The following KLHL13 variants were observed in gnomAD, a reference collection of about 807,000 sequenced individuals.
KLHL13 encodes kelch like family member 13, also known as kelch-like protein 13.
A neutral mutation model predicts 37.1 loss-of-function variants in KLHL13; 10 were observed. That is an observed-to-expected ratio of 0.27 (90% confidence interval 0.17 to 0.46). The LOEUF (loss-of-function observed/expected upper bound fraction) is 0.46. Ranked by LOEUF, KLHL13 falls within the 20% of genes least tolerant of loss-of-function variation. The pLI is 1.00. For synonymous variants in KLHL13, 163 were observed against 181.2 expected (o/e 0.90, Z 0.81); for missense variants, 360 against 509.3 (o/e 0.71, Z 2.82).
At chrX:117,986,805 G>A (rs907534302) in intron 1 of KLHL13, among the ~76,000 whole-genome samples, 12 of 111,449 alleles carry the variant, frequency 1.1e-4, no homozygotes, top group Non-Finnish European at 1.9e-4. Context: ...TTCATTACAG[G>A]GACCAGAAAC....
At chrX:117,953,690 T>G (rs1440963827) in intron 1 of KLHL13, among the ~76,000 whole-genome samples, 1 of 111,757 alleles carries the variant, frequency 8.9e-6, no homozygotes, top group Non-Finnish European at 1.9e-5. Context: ...TGTTCCCATT[T>G]ATACCAAGCC....
intron 2 of KLHL13, among the ~76,000 whole-genome samples, chrX:117,942,333 G>T (rs371729574): frequency 9.0e-6 from 1 of 111,707 alleles, no homozygotes; most frequent in East Asian, 2.8e-4. Flanking sequence ...TTCTGTAGAT[G>T]TCTATTAGGT....
chrX:117,938,443 T>C (rs1932882835), intron 2 of KLHL13, among the ~76,000 whole-genome samples: 1 of 111,607 alleles, frequency 9.0e-6, no homozygotes, highest in Admixed American at 9.5e-5. Context: ...TAGAAACTTG[T>C]TAGAAATGCA....
intron 1 of KLHL13, among the ~76,000 whole-genome samples, chrX:117,953,819 T>C (rs1332672134): frequency 1.8e-5 from 2 of 112,001 alleles, no homozygotes; most frequent in Non-Finnish European, 3.8e-5. Context: ...AGTAATTTTC[T>C]GGTTTAATTA....
intron 1 of KLHL13, among the ~76,000 whole-genome samples, chrX:117,961,975 C>T (rs147047329): frequency 0.059 from 6,384 of 108,721 alleles, 512 homozygotes; most frequent in African/African-American, 0.2. Context: ...GAGGCTGAGA[C>T]GGGAGGATAG....
chrX:117,971,622 T>A, intron 1 of KLHL13, among the ~76,000 whole-genome samples: 1 of 111,482 alleles, frequency 9.0e-6, no homozygotes, highest in East Asian at 2.8e-4. Flanking sequence ...TGAAATGGCC[T>A]CATTTTTCAA....
At chrX:118,032,574 A>G (rs936152089) in intron 1 of KLHL13, among the ~76,000 whole-genome samples, 1 of 112,114 alleles carries the variant, frequency 8.9e-6, no homozygotes, top group Non-Finnish European at 1.9e-5. Flanking sequence ...GGACATCCAC[A>G]CCACAGGCCC....
At chrX:117,956,403 G>A (rs1254694192) in intron 1 of KLHL13, among the ~76,000 whole-genome samples, 1 of 111,444 alleles carries the variant, frequency 9.0e-6, no homozygotes, top group African/African-American at 3.3e-5. Context: ...CTAAAAGAAG[G>A]CTATGTGTTC....
At chrX:118,038,823 G>A (rs927361326) in intron 1 of KLHL13, among the ~76,000 whole-genome samples, 1 of 111,651 alleles carries the variant, frequency 9.0e-6, no homozygotes, top group Non-Finnish European at 1.9e-5. Context: ...ACAAGCTGGT[G>A]CACCCAAGGG....
intron 4 of KLHL13, among the ~76,000 whole-genome samples, chrX:117,916,513 C>G (rs192626380): frequency 9.4e-4 from 106 of 112,236 alleles, no homozygotes; most frequent in Non-Finnish European, 1.8e-3. Flanking sequence ...GGCTCTTGTT[C>G]CATTAACACT....
intron 1 of KLHL13, among the ~76,000 whole-genome samples, chrX:117,999,533 G>A (rs2053896210): frequency 9.1e-6 from 1 of 109,711 alleles, no homozygotes; most frequent in South Asian, 4.0e-4. Context: ...TCACACACCA[G>A]GGCCTGCTGG....
chrX:117,958,453 C>A (rs1362863885), intron 1 of KLHL13, among the ~76,000 whole-genome samples: 1 of 110,346 alleles, frequency 9.1e-6, no homozygotes, highest in Non-Finnish European at 1.9e-5. Flanking sequence ...AGTTGGAAAT[C>A]ATGCATAAGG....
chrX:117,926,130 G>A (rs149830753), intron 2 of KLHL13, among the ~76,000 whole-genome samples: 1 of 111,395 alleles, frequency 9.0e-6, no homozygotes, highest in Non-Finnish European at 1.9e-5. Context: ...TTTACATTAC[G>A]TCCTGAAACT....
At chrX:117,997,557 A>G (rs1040696722) in intron 1 of KLHL13, among the ~76,000 whole-genome samples, 2 of 112,466 alleles carry the variant, frequency 1.8e-5, no homozygotes, top group African/African-American at 6.5e-5. Context: ...TAATTTAAGA[A>G]TATAAGGATG....
chrX:118,095,394 G>C (rs1291215533), intron 1 of KLHL13, among the ~76,000 whole-genome samples: 1 of 111,213 alleles, frequency 9.0e-6, no homozygotes. Context: ...CATAAAGCAA[G>C]TCCTGAGTGA....
chrX:118,059,906 G>A (rs749054006), intron 1 of KLHL13, among the ~76,000 whole-genome samples: 3 of 111,589 alleles, frequency 2.7e-5, no homozygotes, highest in South Asian at 7.5e-4. Context: ...GTGTTACCGT[G>A]AGCACTTAAC....
intron 1 of KLHL13, among the ~76,000 whole-genome samples, chrX:118,016,634 A>C (rs1271057631): frequency 1.8e-5 from 2 of 111,764 alleles, no homozygotes; most frequent in Non-Finnish European, 3.8e-5. Flanking sequence ...CTTAGGCATA[A>C]GCAAATAAAG....
chrX:118,002,519 G>C (rs2053934420), intron 1 of KLHL13, among the ~76,000 whole-genome samples: 1 of 109,049 alleles, frequency 9.2e-6, no homozygotes, highest in African/African-American at 3.3e-5. Flanking sequence ...CTTGAACCTG[G>C]GAGGGGGAGG....
chrX:117,917,375 T>C (rs1240053149), intron 4 of KLHL13, among the ~76,000 whole-genome samples: 1 of 108,368 alleles, frequency 9.2e-6, no homozygotes, highest in Non-Finnish European at 1.9e-5. Flanking sequence ...AAGCCTCTTC[T>C]CCATTAGAAA....
Sources: allele counts gnomAD v4.1 joint callset (sites outside exome capture counted in the v4.1 genomes callset), GRCh38; gene constraint gnomAD v4.1.1; transcripts MANE v1.5; gene names NCBI Gene and HGNC (gene_info 2026-07-23, HGNC 2026-07-21).